Variants in CSMD3 observed in about 807,000 individuals in gnomAD.
CSMD3 encodes the protein CUB and sushi domain-containing protein 3.
CSMD3 carries 177 observed loss-of-function variants against 435.2 expected under a neutral mutation model. That is an observed-to-expected ratio of 0.41 (90% CI 0.36 to 0.46). The LOEUF (loss-of-function observed/expected upper bound fraction) is 0.46, where lower values mean the gene tolerates loss of function less well. CSMD3 is among the 20% of genes least tolerant of loss of function. The pLI is 0.34. For missense variants in CSMD3, 4,265 were observed against 4,504.6 expected, an observed-to-expected ratio of 0.95 and a Z score of 1.52; for synonymous variants, 1,656 against 1,520.5, an observed-to-expected ratio of 1.09 and a Z score of -2.07.
intron 2 of CSMD3, among the ~76,000 whole-genome samples, chr8:113,286,260 T>C (rs932750489): frequency 2.0e-5 from 3 of 152,120 alleles, no homozygotes; most frequent in Non-Finnish European, 4.4e-5. Flanking sequence ...ATTTCCTCTG[T>C]AAAAACTTAG....
At chr8:113,414,007 G>A (rs766727861) in intron 1 of CSMD3, among the ~76,000 whole-genome samples, 20 of 152,092 alleles carry the variant, frequency 1.3e-4, no homozygotes, top group South Asian at 2.1e-4. Context: ...AACAGAAGAC[G>A]AAATAGGAGA....
intron 1 of CSMD3, among the ~76,000 whole-genome samples, chr8:113,366,528 C>T (rs1178637756): frequency 6.6e-6 from 1 of 151,872 alleles, no homozygotes; most frequent in African/African-American, 2.4e-5. Context: ...CAAGCATGGC[C>T]CTCCATCTTC....
chr8:112,729,001 A>G (rs2077023354), intron 13 of CSMD3, among the ~76,000 whole-genome samples: 1 of 152,068 alleles, frequency 6.6e-6, no homozygotes, highest in Non-Finnish European at 1.5e-5. Flanking sequence ...TTTACATAGT[A>G]CAAATAATGC....
rs1227085986 is a variant in CSMD3, at chr8:112,352,476, T to C, written c.6195A>G (p.Gly2065=). The change falls in exon 39 of 71, where the codon GGA becomes GGG. Residue 2065 remains glycine (G), a synonymous_variant. Transcript: ENST00000297405. ...CTACATCTCCAACCATATATCTGTC[T>C]CCAATTTTAATTCCACTGCTAGGAG... is the stretch of plus-strand genomic sequence containing the variant. ...PQTPSSGIKI[G]DRYMVGDVVS... 6.2e-7 allele frequency: 1 copy of C among 1,613,664 alleles called. No homozygotes were observed. The highest frequency in any genetic ancestry group is 8.5e-7 in the Non-Finnish European group (1 of 1,179,748).
At chr8:112,744,273 G>A (rs1250129649) in intron 13 of CSMD3, among the ~76,000 whole-genome samples, 1 of 152,002 alleles carries the variant, frequency 6.6e-6, no homozygotes, top group African/African-American at 2.4e-5. Flanking sequence ...AGTTTACAGA[G>A]ATCATCAGAT....
intron 3 of CSMD3, among the ~76,000 whole-genome samples, chr8:113,195,716 T>C (rs956641215): frequency 6.7e-6 from 1 of 148,410 alleles, no homozygotes; most frequent in Non-Finnish European, 1.5e-5. Context: ...GTATTTACTA[T>C]TCATATCTAT....
At chr8:112,602,019 C>T (rs1832393473) in intron 22 of CSMD3, among the ~76,000 whole-genome samples, 1 of 152,080 alleles carries the variant, frequency 6.6e-6, no homozygotes, top group African/African-American at 2.4e-5. Flanking sequence ...CCGATGGGAG[C>T]AGATAGCTTC....
intron 38 of CSMD3, among the ~76,000 whole-genome samples, chr8:112,376,792 A>T (rs1035500196): frequency 2.0e-5 from 3 of 152,142 alleles, no homozygotes; most frequent in African/African-American, 7.2e-5. Context: ...CAACAAGTAT[A>T]TTTTAATTGT....
chr8:112,810,186 CTTAT>C (rs2132381526), intron 12 of CSMD3, among the ~76,000 whole-genome samples: 1 of 152,200 alleles, frequency 6.6e-6, no homozygotes, highest in East Asian at 1.9e-4. Flanking sequence ...GTATGATCTG[CTTAT>C]AAGTTCAACA....
intron 27 of CSMD3, among the ~76,000 whole-genome samples, chr8:112,540,216 A>G (rs1826528333): frequency 6.6e-6 from 1 of 152,064 alleles, no homozygotes; most frequent in African/African-American, 2.4e-5. Flanking sequence ...GGGAAATGCG[A>G]ATCAAAACCA....
chr8:112,354,930 A>G (rs1480136029), intron 38 of CSMD3, among the ~76,000 whole-genome samples: 1 of 152,208 alleles, frequency 6.6e-6, no homozygotes, highest in Non-Finnish European at 1.5e-5. Context: ...AGCTACAGTC[A>G]TCACATAGCC....
intron 3 of CSMD3, among the ~76,000 whole-genome samples, chr8:113,185,935 CCAGGGAAT>C (rs1275987532): frequency 2.0e-5 from 3 of 152,012 alleles, no homozygotes; most frequent in African/African-American, 7.2e-5. Flanking sequence ...GGACTTCCCA[CCAGGGAAT>C]CTGCCCCGTA....
intron 1 of CSMD3, among the ~76,000 whole-genome samples, chr8:113,330,210 T>C (rs2094017060): frequency 6.6e-6 from 1 of 152,174 alleles, no homozygotes; most frequent in South Asian, 2.1e-4. Context: ...GCTGCAAATA[T>C]TCTGTCTGTT....
intron 11 of CSMD3, among the ~76,000 whole-genome samples, chr8:112,833,702 G>GTA (rs1351923195): frequency 6.6e-6 from 1 of 151,904 alleles, no homozygotes; most frequent in African/African-American, 2.4e-5. Context: ...GTGTGTGTGT[G>GTA]TGTGTGTGTC....
intron 45 of CSMD3, among the ~76,000 whole-genome samples, chr8:112,330,592 A>G (rs1823948851): frequency 6.6e-6 from 1 of 152,104 alleles, no homozygotes; most frequent in Non-Finnish European, 1.5e-5. Flanking sequence ...CATTTTAGAA[A>G]CTATAAAGAA....
chr8:112,791,871 C>T (rs1039055027), intron 13 of CSMD3, among the ~76,000 whole-genome samples: 4 of 152,132 alleles, frequency 2.6e-5, no homozygotes, highest in African/African-American at 4.8e-5. Context: ...AGTTATTCCG[C>T]TTCCTTGCCA....
rs576465804 is a variant in CSMD3 at position 112,587,250 on chromosome 8, G to T, written c.3716-15C>A. 2.5e-6 allele frequency: 4 copies of T among 1,588,224 alleles called. No individual in the cohort carries two copies. In the African/African-American group the frequency reaches 5.4e-5, roughly 21 times the overall value. On this transcript the variant is annotated splice_polypyrimidine_tract_variant and intron_variant, in intron 22 of 70. Transcript: ENST00000297405. ...ACCACATTCAGCTGCAGGTAAAACA[G>T]AATATTGAAGTACAGTTTAATAGAT...
chr8:112,251,721 A>G (rs1815278529), intron 63 of CSMD3, among the ~76,000 whole-genome samples: 1 of 151,760 alleles, frequency 6.6e-6, no homozygotes, highest in Non-Finnish European at 1.5e-5. Context: ...AAAACTTTTC[A>G]TATTTATAAT....
chr8:112,281,105 A>G lies in CSMD3; in HGVS notation c.9508+69T>C, dbSNP rs1415021957. 5.8e-6 allele frequency: 7 copies of G among 1,214,170 alleles called. No homozygotes were observed. In the East Asian group the frequency reaches 1.8e-4, roughly 30 times the overall value. The allele number at this position is 1,214,170 out of a possible 1,614,324, so 75.2% of individuals were successfully genotyped here. Reference sequence around the variant, plus strand: ...TGGTTTTATTAATTACAAAACACACAAAAATACTTATATACTCATCAATAC... The same window carrying G: ...TGGTTTTATTAATTACAAAACACACGAAAATACTTATATACTCATCAATAC... On this transcript the variant is annotated intron_variant, in intron 59 of 70. Transcript: ENST00000297405.
Sources: gnomAD v4.1 joint callset for allele counts (sites outside exome capture counted in the v4.1 genomes callset) on GRCh38, gnomAD v4.1.1 for gene constraint, MANE v1.5 for transcripts, NCBI Gene and HGNC (gene_info 2026-07-23, HGNC 2026-07-21) for gene names.